The following POFUT3 variants were observed in gnomAD, a reference collection of about 807,000 sequenced individuals.
POFUT3 encodes the protein protein O-fucosyltransferase 3.
At chr8:33,353,551 T>C in the POFUT3 span, among the ~76,000 whole-genome samples, 1 of 152,208 alleles carries the variant, frequency 6.6e-6, no homozygotes, top group Non-Finnish European at 1.5e-5. Flanking sequence ...GTTTTCTCCT[T>C]GTTTTTCGTG....
the POFUT3 span, among the ~76,000 whole-genome samples, chr8:33,472,088 A>G: frequency 2.9e-4 from 44 of 152,214 alleles, no homozygotes; most frequent in Admixed American, 2.0e-3. Flanking sequence ...AACAAGCCCA[A>G]GATTGGTCGT....
the POFUT3 span, among the ~76,000 whole-genome samples, chr8:33,393,590 A>T: frequency 6.6e-6 from 1 of 152,196 alleles, no homozygotes; most frequent in South Asian, 2.1e-4. Flanking sequence ...CATTACTCCC[A>T]TACAAACTGG....
the POFUT3 span, among the ~76,000 whole-genome samples, chr8:33,349,633 G>A: frequency 6.6e-5 from 10 of 152,164 alleles, no homozygotes; most frequent in Non-Finnish European, 1.5e-4. Context: ...TTATGGCTGA[G>A]TAGTAGTCCA....
the POFUT3 span, among the ~76,000 whole-genome samples, chr8:33,325,293 A>G: frequency 1.3e-5 from 2 of 152,102 alleles, no homozygotes; most frequent in Admixed American, 6.5e-5. Flanking sequence ...CTCAATTCAA[A>G]TATCACCCCA....
the POFUT3 span, among the ~76,000 whole-genome samples, chr8:33,427,478 C>T: frequency 1.5e-3 from 225 of 152,132 alleles, no homozygotes; most frequent in Middle Eastern, 3.4e-3. Flanking sequence ...ACTCAGGAGG[C>T]TGAGGCAGGA....
the POFUT3 span, among the ~76,000 whole-genome samples, chr8:33,376,306 T>G: frequency 6.6e-6 from 1 of 152,158 alleles, no homozygotes; most frequent in African/African-American, 2.4e-5. Flanking sequence ...TTAGAAAGCA[T>G]AGCAGAAAAA....
the POFUT3 span, among the ~76,000 whole-genome samples, chr8:33,314,219 C>T: frequency 1.3e-5 from 2 of 152,190 alleles, no homozygotes; most frequent in Non-Finnish European, 2.9e-5. Flanking sequence ...CGAGAGAGAA[C>T]AGGCTGTGTG....
At chr8:33,394,267 T>TA in the POFUT3 span, 1 of 182,928 alleles carries the variant, frequency 5.5e-6, no homozygotes. Flanking sequence ...TGGCATGAGG[T>TA]AAAAAGGGGG....
chr8:33,414,012 T>A, the POFUT3 span, among the ~76,000 whole-genome samples: 1 of 152,132 alleles, frequency 6.6e-6, no homozygotes, highest in Non-Finnish European at 1.5e-5. Context: ...AACCAAAGAC[T>A]CTAATCTTCT....
the POFUT3 span, among the ~76,000 whole-genome samples, chr8:33,433,184 A>G: frequency 6.6e-6 from 1 of 151,916 alleles, no homozygotes; most frequent in African/African-American, 2.4e-5. Flanking sequence ...CAGTGAGCCA[A>G]GATCACAACA....
the POFUT3 span, among the ~76,000 whole-genome samples, chr8:33,339,136 T>A: frequency 6.6e-6 from 1 of 152,194 alleles, no homozygotes; most frequent in East Asian, 1.9e-4. Context: ...GGAGCCATAA[T>A]TTTTTAATGC....
chr8:33,449,246 A>T, the POFUT3 span, among the ~76,000 whole-genome samples: 12,059 of 149,798 alleles, frequency 0.081, 631 homozygotes, highest in African/African-American at 0.14. Flanking sequence ...GAGAGGAATC[A>T]GGAATGGTTT....
chr8:33,467,153 G>A, the POFUT3 span, among the ~76,000 whole-genome samples: 1 of 149,200 alleles, frequency 6.7e-6, no homozygotes, highest in African/African-American at 2.5e-5. Flanking sequence ...TGCACCTGTA[G>A]TCCCAGCTAC....
the POFUT3 span, chr8:33,461,311 G>C: frequency 6.6e-7 from 1 of 1,517,534 alleles, no homozygotes; most frequent in East Asian, 2.3e-5. Flanking sequence ...GAGAAAATAG[G>C]GGGTAGGGGG....
the POFUT3 span, among the ~76,000 whole-genome samples, chr8:33,406,608 T>C: frequency 6.6e-6 from 1 of 152,114 alleles, no homozygotes; most frequent in East Asian, 1.9e-4. Flanking sequence ...ATTTTTAATT[T>C]TTTTTTTAGA....
the POFUT3 span, among the ~76,000 whole-genome samples, chr8:33,373,574 G>C: frequency 6.6e-6 from 1 of 152,084 alleles, no homozygotes; most frequent in African/African-American, 2.4e-5. Flanking sequence ...GGCTACACTC[G>C]GCAGCCCTTC....
chr8:33,441,746 A>G, the POFUT3 span, among the ~76,000 whole-genome samples: 1 of 152,158 alleles, frequency 6.6e-6, no homozygotes, highest in East Asian at 1.9e-4. Flanking sequence ...CTGCATGCCT[A>G]TGAGAGATAT....
chr8:33,392,848 G>A, the POFUT3 span, among the ~76,000 whole-genome samples: 1 of 152,054 alleles, frequency 6.6e-6, no homozygotes, highest in Admixed American at 6.6e-5. Flanking sequence ...GCTGGGCATG[G>A]TGGTGCATGC....
At chr8:33,325,778 C>T in the POFUT3 span, among the ~76,000 whole-genome samples, 13 of 152,164 alleles carry the variant, frequency 8.5e-5, no homozygotes, top group Non-Finnish European at 1.6e-4. Context: ...GGGGCTCTCT[C>T]TGGACTCATT....
Sources: allele counts gnomAD v4.1 joint callset (sites outside exome capture counted in the v4.1 genomes callset), GRCh38; gene constraint gnomAD v4.1.1; transcripts MANE v1.5; gene names NCBI Gene and HGNC (gene_info 2026-07-23, HGNC 2026-07-21).